The following PRKCA variants were observed in gnomAD, a reference collection of about 807,000 sequenced individuals.
PRKCA encodes the protein protein kinase C alpha.
PRKCA carries 27 observed loss-of-function variants against 87.0 expected under a neutral mutation model. The ratio of observed to expected loss-of-function variants is 0.31; its 90% CI spans 0.23 to 0.43. PRKCA has a LOEUF of 0.43. Ranked by LOEUF, PRKCA falls within the 20% of genes least tolerant of loss-of-function variation. The probability of loss-of-function intolerance (pLI) is 1.00; values close to 1 mark genes in which losing one functional copy is unlikely to be tolerated. For synonymous variants in PRKCA, 329 were observed against 311.1 expected, an observed-to-expected ratio of 1.06 and a Z score of -0.61; for missense variants, 518 against 852.3, an observed-to-expected ratio of 0.61 and a Z score of 4.88.
chr17:66,306,245 G>T, intron 2 of PRKCA, 118 bp downstream of exon 2: 3 of 1,068,424 alleles, frequency 2.8e-6, no homozygotes, highest in Non-Finnish European at 4.0e-6. Flanking sequence ...AGATAATTTT[G>T]AAATATGAGG....
intron 3 of PRKCA, among the ~76,000 whole-genome samples, chr17:66,580,934 C>G (rs879477638): frequency 1.4e-4 from 22 of 151,906 alleles, no homozygotes; most frequent in African/African-American, 3.6e-4. Flanking sequence ...TTGTTGCCCC[C>G]CCCCATGCTC....
chr17:66,489,703 T>G (rs1295019886), intron 2 of PRKCA, among the ~76,000 whole-genome samples: 1 of 152,034 alleles, frequency 6.6e-6, no homozygotes, highest in Non-Finnish European at 1.5e-5. Context: ...GGAAGCAAAT[T>G]CATTCTTTCT....
intron 2 of PRKCA, among the ~76,000 whole-genome samples, chr17:66,413,646 C>G (rs531075451): frequency 1.3e-5 from 2 of 152,146 alleles, no homozygotes; most frequent in Non-Finnish European, 2.9e-5. Context: ...TTTTGCAGCT[C>G]TGTGTCAGAC....
intron 3 of PRKCA, among the ~76,000 whole-genome samples, chr17:66,537,033 T>G (rs1197110041): frequency 6.6e-6 from 1 of 152,168 alleles, no homozygotes; most frequent in Non-Finnish European, 1.5e-5. Context: ...TAATTCACTC[T>G]CTGGGCTCTA....
chr17:66,434,990 T>C (rs1414327392), intron 2 of PRKCA, among the ~76,000 whole-genome samples: 1 of 152,224 alleles, frequency 6.6e-6, no homozygotes, highest in Non-Finnish European at 1.5e-5. Context: ...CTTGACTCTT[T>C]GGTTTGATCG....
chr17:66,418,818 C>T (rs1912326217), intron 2 of PRKCA, among the ~76,000 whole-genome samples: 1 of 152,108 alleles, frequency 6.6e-6, no homozygotes, highest in African/African-American at 2.4e-5. Context: ...GTGGCGCGAT[C>T]TCGGCTCACT....
At chr17:66,509,480 G>T (rs930263865) in intron 3 of PRKCA, among the ~76,000 whole-genome samples, 2 of 152,078 alleles carry the variant, frequency 1.3e-5, no homozygotes, top group African/African-American at 4.8e-5. Flanking sequence ...AAATCTCAAG[G>T]CCTTCAGGCA....
chr17:66,743,535 G>A (rs1450393091), intron 13 of PRKCA, among the ~76,000 whole-genome samples: 1 of 152,238 alleles, frequency 6.6e-6, no homozygotes. Flanking sequence ...AGCAGCGGCT[G>A]TGCTGCTCTG....
At chr17:66,592,564 A>G (rs546962245) in intron 3 of PRKCA, among the ~76,000 whole-genome samples, 16 of 152,156 alleles carry the variant, frequency 1.1e-4, no homozygotes, top group South Asian at 2.1e-4. Flanking sequence ...TCATGTACAC[A>G]AAGAAAAGGA....
intron 2 of PRKCA, among the ~76,000 whole-genome samples, chr17:66,449,897 C>A (rs1177610418): frequency 1.3e-5 from 2 of 152,002 alleles, no homozygotes; most frequent in Non-Finnish European, 2.9e-5. Context: ...TTCTGCCATG[C>A]GCTTCAGTTT....
At chr17:66,393,085 C>T (rs929308596) in intron 2 of PRKCA, among the ~76,000 whole-genome samples, 2 of 152,142 alleles carry the variant, frequency 1.3e-5, no homozygotes, top group Non-Finnish European at 2.9e-5. Context: ...TTGTGTGAAA[C>T]GGAGGTGATT....
At chr17:66,667,431 C>A (rs1468333117) in intron 5 of PRKCA, among the ~76,000 whole-genome samples, 1 of 152,202 alleles carries the variant, frequency 6.6e-6, no homozygotes, top group African/African-American at 2.4e-5. Flanking sequence ...GGAATCTTCA[C>A]ATGGCGGCAG....
At position 66,537,637 on chromosome 17, in the gene PRKCA, C is replaced by A. The variant is rs1336278849; in HGVS notation, c.288+41354C>A. Among the ~76,000 whole-genome samples the A allele has an allele frequency of 2.0e-5, 3 of 152,190 alleles. 1 individual carries two copies. The highest frequency in any genetic ancestry group is 2.9e-5 in the Non-Finnish European group (2 of 68,046). On this transcript the variant is annotated intron_variant, in intron 3 of 16. Transcript: ENST00000413366. ...AACTTTCTTTAGCATATGTTTAAGA[C>A]TTGTCATCTTCCCATCTCATCTTTG...
intron 14 of PRKCA, among the ~76,000 whole-genome samples, chr17:66,780,435 G>A (rs1230691431): frequency 6.6e-6 from 1 of 152,170 alleles, no homozygotes; most frequent in Non-Finnish European, 1.5e-5. Flanking sequence ...TCAGCACTTT[G>A]GGAGGCCCAG....
chr17:66,776,740 T>TG (rs2144344693), intron 14 of PRKCA, among the ~76,000 whole-genome samples: 1 of 152,266 alleles, frequency 6.6e-6, no homozygotes, highest in South Asian at 2.1e-4. Flanking sequence ...ACTTTTGACT[T>TG]GGGGTTTTAT....
At chr17:66,670,257 G>C (rs1286940731) in intron 5 of PRKCA, among the ~76,000 whole-genome samples, 2 of 152,190 alleles carry the variant, frequency 1.3e-5, no homozygotes, top group African/African-American at 2.4e-5. Context: ...AGTCATATAA[G>C]GATAAGCAGT....
intron 3 of PRKCA, among the ~76,000 whole-genome samples, chr17:66,533,900 ACT>A (rs888660833): frequency 4.0e-5 from 6 of 151,714 alleles, no homozygotes; most frequent in Admixed American, 3.3e-4. Flanking sequence ...AGGTTGTCAG[ACT>A]CTGCAGCGCA....
chr17:66,410,922 G>A (rs1911756412), intron 2 of PRKCA, among the ~76,000 whole-genome samples: 1 of 152,092 alleles, frequency 6.6e-6, no homozygotes, highest in Admixed American at 6.6e-5. Flanking sequence ...TTTTTCATGT[G>A]TGCGCTCTAC....
intron 2 of PRKCA, among the ~76,000 whole-genome samples, chr17:66,317,253 G>A (rs932360623): frequency 6.6e-6 from 1 of 152,172 alleles, no homozygotes; most frequent in Non-Finnish European, 1.5e-5. Context: ...CTCTCCATGG[G>A]CTAACCTCGG....
Sources: allele counts gnomAD v4.1 joint callset (sites outside exome capture counted in the v4.1 genomes callset), GRCh38; gene constraint gnomAD v4.1.1; transcripts MANE v1.5; gene names NCBI Gene and HGNC (gene_info 2026-07-23, HGNC 2026-07-21).